Variants in TSPEAR observed in about 807,000 individuals in gnomAD.
The protein encoded by TSPEAR is thrombospondin type laminin G domain and EAR repeats.
In TSPEAR, 69 loss-of-function variants were observed where a neutral mutation model predicts 71.6. That is an observed-to-expected ratio of 0.96 (90% CI 0.79 to 1.18). The LOEUF (loss-of-function observed/expected upper bound fraction) is 1.18, where lower values mean the gene tolerates loss of function less well. Among genes scored for constraint, TSPEAR ranks in the 50% most tolerant of loss-of-function variants. The pLI, the probability that TSPEAR is intolerant of heterozygous loss-of-function variation, is 0.00. For missense variants in TSPEAR, 971 were observed against 894.9 expected (o/e 1.09, Z -1.09); for synonymous variants, 402 against 387.2 (o/e 1.04, Z -0.45).
At chr21:44,531,416 C>T (rs138477868) in intron 3 of TSPEAR, among the ~76,000 whole-genome samples, 43 of 152,314 alleles carry the variant, frequency 2.8e-4, no homozygotes, top group Non-Finnish European at 5.6e-4. Context: ...CCATGTCGCT[C>T]CAGTGTCCGA....
At chr21:44,526,987 C>T (rs1444442472) in intron 7 of TSPEAR, among the ~76,000 whole-genome samples, 6 of 152,218 alleles carry the variant, frequency 3.9e-5, no homozygotes, top group African/African-American at 1.4e-4. Flanking sequence ...GGTTCTTGAC[C>T]AGCTCATGTA....
At chr21:44,654,891 T>G (rs1189942024) in intron 1 of TSPEAR, among the ~76,000 whole-genome samples, 5 of 152,142 alleles carry the variant, frequency 3.3e-5, no homozygotes, top group Non-Finnish European at 7.4e-5. Flanking sequence ...GGTGAAGGGC[T>G]GTCAGTGAGG....
chr21:44,596,335 G>GTGGCTCCT (rs1555927608), intron 1 of TSPEAR, among the ~76,000 whole-genome samples: 2 of 152,212 alleles, frequency 1.3e-5, no homozygotes, highest in African/African-American at 4.8e-5. Flanking sequence ...CACCCTCTCT[G>GTGGCTCCT]TGGCTCCTTG....
chr21:44,597,439 T>A (rs1321421455), intron 1 of TSPEAR, among the ~76,000 whole-genome samples: 1 of 146,018 alleles, frequency 6.8e-6, no homozygotes, highest in East Asian at 1.9e-4. Flanking sequence ...TTTCTTTTCT[T>A]TTTTTTTTTT....
chr21:44,654,640 G>A (rs587769458), intron 1 of TSPEAR: 97 of 1,465,776 alleles, frequency 6.6e-5, no homozygotes, highest in African/African-American at 8.3e-5. Context: ...GGTGGGGGGC[G>A]CAGAGGACAG....
At chr21:44,573,957 T>C in intron 1 of TSPEAR, 1 of 1,612,258 alleles carries the variant, frequency 6.2e-7, no homozygotes, top group Non-Finnish European at 8.5e-7. Flanking sequence ...GTCCAGCCCC[T>C]GCTGCCCAGT....
chr21:44,504,994 G>T, intron 10 of TSPEAR, 113 bp from the exon 11 acceptor site: 1 of 740,422 alleles, frequency 1.4e-6, no homozygotes, highest in Non-Finnish European at 2.4e-6. Flanking sequence ...GCCAAAGTGG[G>T]GAGTGATTTT....
intron 9 of TSPEAR, chr21:44,517,354 AG>A (rs1291259771): frequency 6.1e-6 from 1 of 163,348 alleles, no homozygotes; most frequent in African/African-American, 2.4e-5. Context: ...TCAGACTGAC[AG>A]GAGACTGGGT....
intron 1 of TSPEAR, among the ~76,000 whole-genome samples, chr21:44,587,073 C>A (rs782313338): frequency 6.6e-6 from 1 of 152,124 alleles, no homozygotes; most frequent in Non-Finnish European, 1.5e-5. Flanking sequence ...AAAAGGCATC[C>A]AAATCGGTAC....
intron 4 of TSPEAR, among the ~76,000 whole-genome samples, chr21:44,530,506 T>A (rs1248942466): frequency 6.6e-6 from 1 of 151,912 alleles, no homozygotes; most frequent in Non-Finnish European, 1.5e-5. Flanking sequence ...CATCTGTTCA[T>A]CTCTCCACGC....
intron 8 of TSPEAR, among the ~76,000 whole-genome samples, chr21:44,522,851 G>C (rs2052762568): frequency 6.6e-6 from 1 of 152,216 alleles, no homozygotes; most frequent in Admixed American, 6.5e-5. Context: ...CAGGCACCAG[G>C]CCAGCATCCC....
At chr21:44,575,200 G>A (rs1313215555) in intron 1 of TSPEAR, 5 of 704,022 alleles carry the variant, frequency 7.1e-6, no homozygotes, top group East Asian at 2.8e-5. Flanking sequence ...GGAGGGGGGC[G>A]CTTCTAGAAA....
intron 1 of TSPEAR, among the ~76,000 whole-genome samples, chr21:44,617,234 C>G (rs73907072): frequency 0.025 from 3,805 of 152,340 alleles, 158 homozygotes; most frequent in African/African-American, 0.086. Context: ...CATGGGGGGA[C>G]ACTTGGGCTC....
chr21:44,661,456 T>C (rs1555943589), intron 1 of TSPEAR, among the ~76,000 whole-genome samples: 1 of 152,150 alleles, frequency 6.6e-6, no homozygotes. Context: ...CACTTACAGA[T>C]GAAGTGGCGT....
At chr21:44,708,207 C>T (rs868927501) in intron 1 of TSPEAR, among the ~76,000 whole-genome samples, 4 of 152,126 alleles carry the variant, frequency 2.6e-5, no homozygotes, top group African/African-American at 9.7e-5. Context: ...GGGGGGACTG[C>T]AGGCTCCTGG....
chr21:44,661,318 T>C (rs1163974533), intron 1 of TSPEAR, among the ~76,000 whole-genome samples: 9 of 149,696 alleles, frequency 6.0e-5, no homozygotes, highest in Admixed American at 2.0e-4. Context: ...TATAACTAAT[T>C]GACTGTCCAG....
At chr21:44,630,192 G>T (rs1555935461) in intron 1 of TSPEAR, among the ~76,000 whole-genome samples, 1 of 152,218 alleles carries the variant, frequency 6.6e-6, no homozygotes, top group African/African-American at 2.4e-5. Context: ...CTGGGGAAGT[G>T]AAATGTGAAG....
intron 1 of TSPEAR, among the ~76,000 whole-genome samples, chr21:44,615,027 G>A (rs1555932112): frequency 1.3e-5 from 2 of 152,234 alleles, no homozygotes; most frequent in African/African-American, 2.4e-5. Flanking sequence ...GGACGTGGCA[G>A]GCAGGAGCTC....
chr21:44,625,213 T>C (rs1982687946), intron 1 of TSPEAR, among the ~76,000 whole-genome samples: 1 of 152,244 alleles, frequency 6.6e-6, no homozygotes, highest in African/African-American at 2.4e-5. Flanking sequence ...CCACACTTCC[T>C]GCCCACATGA....
Sources: allele counts gnomAD v4.1 joint callset (sites outside exome capture counted in the v4.1 genomes callset), GRCh38; gene constraint gnomAD v4.1.1; transcripts MANE v1.5; gene names NCBI Gene and HGNC (gene_info 2026-07-23, HGNC 2026-07-21).